Variants in ADAMTSL3 observed in about 807,000 individuals in gnomAD.
ADAMTSL3 encodes the protein ADAMTS-like protein 3.
In ADAMTSL3, 128 loss-of-function variants were observed where a neutral mutation model predicts 201.7. The observed-to-expected ratio is 0.63, with a 90% CI of 0.55 to 0.73. ADAMTSL3 has a LOEUF of 0.73. ADAMTSL3 is among the 30% of genes least tolerant of loss of function. ADAMTSL3 has a pLI of 0.00. For synonymous variants in ADAMTSL3, 738 were observed against 748.4 expected, an observed-to-expected ratio of 0.99 and a Z score of 0.23; for missense variants, 1,990 against 2,119.6, an observed-to-expected ratio of 0.94 and a Z score of 1.20.
At chr15:83,839,593 G>A (rs553250290) in intron 7 of ADAMTSL3, among the ~76,000 whole-genome samples, 3 of 152,262 alleles carry the variant, frequency 2.0e-5, no homozygotes, top group East Asian at 1.9e-4. Flanking sequence ...AGTCCAAATA[G>A]GAAGTGTCTT....
At chr15:83,878,915 C>T (rs770942570) in intron 9 of ADAMTSL3, among the ~76,000 whole-genome samples, 3 of 151,926 alleles carry the variant, frequency 2.0e-5, no homozygotes, top group African/African-American at 4.8e-5. Context: ...TGGCAGTGTG[C>T]ACCAGGAAAT....
chr15:84,011,615 A>T (rs1356662123), intron 23 of ADAMTSL3, among the ~76,000 whole-genome samples: 1 of 152,212 alleles, frequency 6.6e-6, no homozygotes, highest in Non-Finnish European at 1.5e-5. Context: ...ATAAGACAAG[A>T]AAAAGAAATC....
intron 3 of ADAMTSL3, among the ~76,000 whole-genome samples, chr15:83,710,584 A>T (rs1411297635): frequency 2.0e-5 from 3 of 151,964 alleles, no homozygotes; most frequent in Non-Finnish European, 2.9e-5. Flanking sequence ...CTGTGTTGGT[A>T]CAATTCCATG....
chr15:83,748,318 C>G (rs2062581235), intron 3 of ADAMTSL3, among the ~76,000 whole-genome samples: 1 of 152,124 alleles, frequency 6.6e-6, no homozygotes, highest in Non-Finnish European at 1.5e-5. Flanking sequence ...TGATCACTCA[C>G]TGTGTAGCAA....
intron 19 of ADAMTSL3, among the ~76,000 whole-genome samples, chr15:83,958,935 A>G (rs948629428): frequency 2.0e-5 from 3 of 152,192 alleles, no homozygotes; most frequent in Non-Finnish European, 4.4e-5. Context: ...GGAAATGACA[A>G]GAATCAAAGA....
chr15:83,773,139 T>TGTG (rs1252341188), intron 3 of ADAMTSL3, among the ~76,000 whole-genome samples: 7 of 152,132 alleles, frequency 4.6e-5, no homozygotes, highest in African/African-American at 1.7e-4. Flanking sequence ...CATTGGTCTT[T>TGTG]GTGAAGAGCT....
chr15:83,893,846 T>A (rs2141897275), intron 13 of ADAMTSL3, among the ~76,000 whole-genome samples: 1 of 152,336 alleles, frequency 6.6e-6, no homozygotes, highest in Non-Finnish European at 1.5e-5. Flanking sequence ...TTATTTAATC[T>A]TAATCCTTTA....
At chr15:83,857,691 A>C (rs1045166996) in intron 7 of ADAMTSL3, among the ~76,000 whole-genome samples, 3 of 152,208 alleles carry the variant, frequency 2.0e-5, no homozygotes, top group African/African-American at 7.2e-5. Context: ...TTGTTTATCT[A>C]CATTTTCTAA....
At chr15:83,968,676 G>A (rs1341607199) in intron 19 of ADAMTSL3, among the ~76,000 whole-genome samples, 3 of 152,180 alleles carry the variant, frequency 2.0e-5, no homozygotes, top group Non-Finnish European at 4.4e-5. Context: ...ATACCCAAAG[G>A]ATTGGAAATC....
In ADAMTSL3 at chr15:84,037,729, ATGTT is replaced by A; in HGVS notation, c.5003_5006del (p.Phe1668Ter). On this transcript the variant is annotated frameshift_variant, in exon 30 of 30. Coordinates refer to ENST00000286744, the MANE Select transcript of ADAMTSL3 (RefSeq NM_207517.3). LOFTEE classifies it high-confidence loss of function. ...CTGCACAGACACAACTCACTACTGT[ATGTT>A]TGTAAAACATCTTAATTTGTGTTCT... 6.2e-7 allele frequency: 1 copy of A among 1,613,050 alleles called. No homozygotes were observed. Among genetic ancestry groups the A allele is most frequent in the Non-Finnish European group, 8.5e-7 (1 of 1,179,604 alleles).
At chr15:83,903,580 C>A (rs750684691) in intron 15 of ADAMTSL3, among the ~76,000 whole-genome samples, 19 of 151,310 alleles carry the variant, frequency 1.3e-4, no homozygotes, top group Non-Finnish European at 1.9e-4. Context: ...TCCCTAAGGT[C>A]CCTTTAAAGT....
At chr15:83,830,777 C>T (rs2064139078) in intron 6 of ADAMTSL3, among the ~76,000 whole-genome samples, 1 of 152,178 alleles carries the variant, frequency 6.6e-6, no homozygotes, top group Admixed American at 6.5e-5. Flanking sequence ...CATTCCTTGC[C>T]TCTCTTCCAG....
At chr15:84,018,394 G>A (rs746841036) in intron 25 of ADAMTSL3, among the ~76,000 whole-genome samples, 3 of 152,166 alleles carry the variant, frequency 2.0e-5, no homozygotes, top group African/African-American at 4.8e-5. Context: ...GGTGTTTATG[G>A]TCTTGACATT....
At chr15:83,826,756 C>T (rs539427191) in intron 6 of ADAMTSL3, among the ~76,000 whole-genome samples, 21 of 149,526 alleles carry the variant, frequency 1.4e-4, no homozygotes, top group South Asian at 2.1e-4. Context: ...TGAGAACATG[C>T]GGTGTTTGGT....
At chr15:83,834,015 A>G (rs192346690) in intron 6 of ADAMTSL3, among the ~76,000 whole-genome samples, 6 of 152,300 alleles carry the variant, frequency 3.9e-5, no homozygotes, top group Admixed American at 2.6e-4. Flanking sequence ...ATAGTCCTGT[A>G]TAGTATAGGC....
chr15:83,799,279 TG>T (rs2063481195), intron 4 of ADAMTSL3, among the ~76,000 whole-genome samples: 1 of 152,190 alleles, frequency 6.6e-6, no homozygotes, highest in South Asian at 2.1e-4. Context: ...TTCAAATTCA[TG>T]ATTTAGGGCA....
At chr15:83,697,202 C>A (rs777166709) in intron 2 of ADAMTSL3, among the ~76,000 whole-genome samples, 1 of 152,174 alleles carries the variant, frequency 6.6e-6, no homozygotes, top group South Asian at 2.1e-4. Flanking sequence ...TCCCCTGCTT[C>A]TCTCTCTTCC....
At chr15:83,700,117 A>G (rs182969489) in intron 2 of ADAMTSL3, among the ~76,000 whole-genome samples, 1 of 152,232 alleles carries the variant, frequency 6.6e-6, no homozygotes, top group Non-Finnish European at 1.5e-5. Flanking sequence ...TATGTGTTGA[A>G]TGCATGGTCA....
chr15:83,823,886 C>G (rs1325052440), intron 6 of ADAMTSL3, among the ~76,000 whole-genome samples: 1 of 100,624 alleles, frequency 9.9e-6, no homozygotes, highest in African/African-American at 5.1e-5. Context: ...TTTCCTTCTT[C>G]TTCTTCCTCT....
Sources: allele counts gnomAD v4.1 joint callset (sites outside exome capture counted in the v4.1 genomes callset), GRCh38; gene constraint gnomAD v4.1.1; transcripts MANE v1.5; gene names NCBI Gene and HGNC (gene_info 2026-07-23, HGNC 2026-07-21).